The following DLGAP2 variants were observed in gnomAD, a reference collection of about 807,000 sequenced individuals.
DLGAP2 encodes the protein disks large-associated protein 2.
Under a neutral mutation model 100.3 loss-of-function variants are expected in DLGAP2, and 26 were observed. That is an observed-to-expected ratio of 0.26 (90% CI 0.19 to 0.36). The LOEUF (loss-of-function observed/expected upper bound fraction) is 0.36. DLGAP2 is among the 10% of genes least tolerant of loss of function. The pLI, the probability that DLGAP2 is intolerant of heterozygous loss-of-function variation, is 1.00. For missense variants in DLGAP2, 1,858 were observed against 1,453.2 expected (o/e 1.28, Z -4.53); for synonymous variants, 886 against 630.1 (o/e 1.41, Z -6.08).
At chr8:773,833 C>T (rs1208817921) in intron 1 of DLGAP2, among the ~76,000 whole-genome samples, 4 of 152,138 alleles carry the variant, frequency 2.6e-5, no homozygotes, top group African/African-American at 9.7e-5. Context: ...TTTATAGCAG[C>T]ATGATTTATA....
intron 6 of DLGAP2, among the ~76,000 whole-genome samples, chr8:1,623,573 G>A (rs1184064380): frequency 6.6e-6 from 1 of 151,552 alleles, no homozygotes; most frequent in Non-Finnish European, 1.5e-5. Flanking sequence ...AGTGCGTGAT[G>A]ACCTGACACC....
At chr8:1,150,588 G>A (rs1416029233) in intron 2 of DLGAP2, among the ~76,000 whole-genome samples, 12 of 152,196 alleles carry the variant, frequency 7.9e-5, no homozygotes. Context: ...TGAATCTACT[G>A]TGGCTTCTAG....
At chr8:1,131,821 A>C (rs1796301966) in intron 2 of DLGAP2, among the ~76,000 whole-genome samples, 1 of 152,106 alleles carries the variant, frequency 6.6e-6, no homozygotes, top group Non-Finnish European at 1.5e-5. Flanking sequence ...CTTTTTGGGG[A>C]CATCTGAGTT....
At chr8:793,732 T>C (rs774712520) in intron 1 of DLGAP2, among the ~76,000 whole-genome samples, 2 of 152,242 alleles carry the variant, frequency 1.3e-5, no homozygotes, top group Non-Finnish European at 2.9e-5. Context: ...TTCTCTTCTG[T>C]GTTCTCCTGT....
chr8:1,228,404 C>T (rs1389877910), intron 2 of DLGAP2, among the ~76,000 whole-genome samples: 1 of 152,184 alleles, frequency 6.6e-6, no homozygotes, highest in Admixed American at 6.5e-5. Context: ...TAATAACAAT[C>T]TTACATATGC....
At chr8:1,668,704 G>T in intron 9 of DLGAP2, 26 bp downstream of exon 9, 1 of 1,494,144 alleles carries the variant, frequency 6.7e-7, no homozygotes, top group Non-Finnish European at 8.9e-7. Flanking sequence ...CGCCCGTCAG[G>T]GCCTCGCTCC....
At chr8:1,435,177 C>G (rs1797580203) in intron 3 of DLGAP2, among the ~76,000 whole-genome samples, 1 of 152,184 alleles carries the variant, frequency 6.6e-6, no homozygotes, top group African/African-American at 2.4e-5. Context: ...GGTTTAAGCC[C>G]CAGATCTTCC....
At chr8:1,428,317 T>A (rs1448879947) in intron 3 of DLGAP2, among the ~76,000 whole-genome samples, 1 of 152,080 alleles carries the variant, frequency 6.6e-6, no homozygotes. Context: ...AAGGACAATT[T>A]GTCTAAAAAA....
At chr8:868,073 A>G (rs193086940) in intron 1 of DLGAP2, among the ~76,000 whole-genome samples, 45 of 152,352 alleles carry the variant, frequency 3.0e-4, no homozygotes, top group African/African-American at 9.6e-4. Flanking sequence ...GTCAGTTTTC[A>G]AAATGGTTAT....
chr8:1,635,164 T>C (rs1797738338), intron 8 of DLGAP2, among the ~76,000 whole-genome samples: 1 of 152,230 alleles, frequency 6.6e-6, no homozygotes, highest in African/African-American at 2.4e-5. Context: ...GTATTGTATA[T>C]TAGTTATTTA....
intron 2 of DLGAP2, among the ~76,000 whole-genome samples, chr8:914,640 G>A (rs758358478): frequency 1.3e-5 from 2 of 152,194 alleles, no homozygotes; most frequent in Non-Finnish European, 1.5e-5. Flanking sequence ...AGGATTGCAC[G>A]GTTATAGATG....
intron 1 of DLGAP2, among the ~76,000 whole-genome samples, chr8:828,594 A>G (rs1796725132): frequency 1.3e-5 from 2 of 152,200 alleles, no homozygotes; most frequent in African/African-American, 4.8e-5. Flanking sequence ...AGTTAATGCA[A>G]TTATTACAGG....
intron 3 of DLGAP2, among the ~76,000 whole-genome samples, chr8:1,432,790 G>A (rs1355955044): frequency 1.3e-5 from 2 of 152,200 alleles, no homozygotes; most frequent in Non-Finnish European, 2.9e-5. Flanking sequence ...CCGCGATCGC[G>A]TGTTTGGATT....
At chr8:995,661 A>G (rs1019544021) in intron 2 of DLGAP2, among the ~76,000 whole-genome samples, 15 of 152,258 alleles carry the variant, frequency 9.9e-5, no homozygotes, top group Admixed American at 2.6e-4. Flanking sequence ...TAAGATGGCT[A>G]ACACACCAGA....
chr8:1,166,180 G>C (rs755659812), intron 2 of DLGAP2, among the ~76,000 whole-genome samples: 4 of 152,100 alleles, frequency 2.6e-5, no homozygotes, highest in African/African-American at 4.8e-5. Context: ...GTCTTACAGC[G>C]TCTGAATTTA....
chr8:1,288,291 C>CGT (rs1227814634), intron 3 of DLGAP2, among the ~76,000 whole-genome samples: 7 of 63,708 alleles, frequency 1.1e-4, no homozygotes, highest in Admixed American at 3.7e-4. Flanking sequence ...TTTGGTTCAG[C>CGT]GTGTGTGTGT....
chr8:886,031 G>T (rs1797915175), intron 1 of DLGAP2, among the ~76,000 whole-genome samples: 1 of 152,116 alleles, frequency 6.6e-6, no homozygotes. Context: ...GTCTGGTCCT[G>T]GGCTTTTTTT....
chr8:752,578 G>A (rs1820819862), intron 1 of DLGAP2, among the ~76,000 whole-genome samples: 1 of 152,198 alleles, frequency 6.6e-6, no homozygotes, highest in African/African-American at 2.4e-5. Flanking sequence ...AGGAGGGGAT[G>A]GGGCAGGAGG....
intron 2 of DLGAP2, among the ~76,000 whole-genome samples, chr8:1,181,391 A>C (rs1797384243): frequency 6.6e-6 from 1 of 152,184 alleles, no homozygotes; most frequent in Non-Finnish European, 1.5e-5. Context: ...TTAGATTGCT[A>C]AGGATAATGG....
Sources: allele counts gnomAD v4.1 joint callset (sites outside exome capture counted in the v4.1 genomes callset), GRCh38; gene constraint gnomAD v4.1.1; transcripts MANE v1.5; gene names NCBI Gene and HGNC (gene_info 2026-07-23, HGNC 2026-07-21).